Variants in GLCCI1 observed in about 807,000 individuals in gnomAD.
The protein encoded by GLCCI1 is glucocorticoid-induced transcript 1 protein.
A neutral mutation model predicts 52.2 loss-of-function variants in GLCCI1; 24 were observed. The ratio of observed to expected loss-of-function variants is 0.46; its 90% CI spans 0.33 to 0.65. GLCCI1 has a LOEUF of 0.65. Ranked by LOEUF, GLCCI1 falls within the 30% of genes least tolerant of loss-of-function variation. GLCCI1 has a pLI of 0.02. For synonymous variants in GLCCI1, 310 were observed against 276.5 expected (o/e 1.12, Z -1.20); for missense variants, 704 against 701.5 (o/e 1.00, Z -0.04).
intron 1 of GLCCI1, among the ~76,000 whole-genome samples, chr7:7,979,190 T>C (rs1411541826): frequency 6.6e-6 from 1 of 152,146 alleles, no homozygotes; most frequent in African/African-American, 2.4e-5. Flanking sequence ...AGCTACAGTA[T>C]TCTGCAATAT....
At chr7:7,992,758 C>A (rs1195078792) in intron 1 of GLCCI1, among the ~76,000 whole-genome samples, 1 of 151,896 alleles carries the variant, frequency 6.6e-6, no homozygotes, top group African/African-American at 2.4e-5. Context: ...GAAATCTTGT[C>A]TCCTCATTTT....
chr7:8,031,308 T>A (rs1277546091), intron 3 of GLCCI1, among the ~76,000 whole-genome samples: 1 of 152,090 alleles, frequency 6.6e-6, no homozygotes, highest in Non-Finnish European at 1.5e-5. Context: ...AGACAAACAT[T>A]GCATGTTCTC....
At chr7:8,045,123 G>T (rs1782092017) in intron 3 of GLCCI1, among the ~76,000 whole-genome samples, 1 of 152,146 alleles carries the variant, frequency 6.6e-6, no homozygotes, top group African/African-American at 2.4e-5. Context: ...TGAAACAACT[G>T]TGAGCTGGAG....
chr7:7,996,196 G>A (rs1289717116), intron 1 of GLCCI1, among the ~76,000 whole-genome samples: 1 of 151,998 alleles, frequency 6.6e-6, no homozygotes, highest in Non-Finnish European at 1.5e-5. Flanking sequence ...TGTTTTTGTA[G>A]TTGCTAATAC....
At position 8,086,722 on chromosome 7, in the gene GLCCI1, C is replaced by T. The variant is rs764928991; in HGVS notation, c.*184C>T. 3.3e-5 allele frequency: 19 copies of T among 582,680 alleles called. No individual in the cohort carries two copies. Among genetic ancestry groups the T allele is most frequent in the Non-Finnish European group, 5.7e-5 (19 of 334,782 alleles). 36.1% of individuals were successfully genotyped at this position (582,680 alleles called of 1,614,324 possible). A position where few individuals can be genotyped will look rare whatever the true frequency, so the allele number is the denominator to read the frequency against. On this transcript the variant is annotated 3_prime_UTR_variant, in exon 8 of 8. Transcript: ENST00000223145. This position sits in a 1 kb window ranked among gnomAD's most constrained non-coding sequence, Gnocchi z 4.4. ...CCTATTCAGCAGTTTTTGTGGAAAG[C>T]AGTAATGCTTGCAAAACGTGTGTGT...
chr7:8,019,122 TG>T (rs1413729998), intron 2 of GLCCI1, among the ~76,000 whole-genome samples: 2 of 152,234 alleles, frequency 1.3e-5, no homozygotes, highest in African/African-American at 2.4e-5. Flanking sequence ...GGTTTTGTTT[TG>T]GCTAAAATAA....
chr7:8,061,252 A>G (rs1782508143), intron 5 of GLCCI1, among the ~76,000 whole-genome samples: 1 of 151,808 alleles, frequency 6.6e-6, no homozygotes, highest in South Asian at 2.1e-4. Flanking sequence ...GGTGCCCGCC[A>G]CCACACCCGG....
At chr7:8,004,799 G>A (rs747744773) in intron 2 of GLCCI1, among the ~76,000 whole-genome samples, 23 of 152,208 alleles carry the variant, frequency 1.5e-4, no homozygotes, top group Non-Finnish European at 2.6e-4. Flanking sequence ...TAGATGAATG[G>A]AGTATGTAAA....
chr7:8,045,689 A>G (rs1782106405), intron 3 of GLCCI1, among the ~76,000 whole-genome samples: 1 of 152,158 alleles, frequency 6.6e-6, no homozygotes, highest in Admixed American at 6.5e-5. Flanking sequence ...GTAACCCTAT[A>G]ATATATGTAG....
At chr7:8,056,659 A>C (rs1017907461) in intron 4 of GLCCI1, among the ~76,000 whole-genome samples, 1 of 152,196 alleles carries the variant, frequency 6.6e-6, no homozygotes, top group African/African-American at 2.4e-5. Flanking sequence ...AAATATGTTA[A>C]TTTAGTTCAT....
intron 4 of GLCCI1, among the ~76,000 whole-genome samples, chr7:8,058,140 A>C (rs1006864003): frequency 6.6e-6 from 1 of 152,200 alleles, no homozygotes; most frequent in African/African-American, 2.4e-5. Context: ...AAACATACCC[A>C]AATTCAGTTT....
intron 4 of GLCCI1, among the ~76,000 whole-genome samples, chr7:8,058,858 C>G (rs892994075): frequency 1.3e-5 from 2 of 152,074 alleles, no homozygotes; most frequent in Non-Finnish European, 2.9e-5. Flanking sequence ...AGAAGCCTTG[C>G]CGATAACGTA....
At chr7:8,021,513 A>G (rs954689593) in intron 2 of GLCCI1, among the ~76,000 whole-genome samples, 4 of 151,880 alleles carry the variant, frequency 2.6e-5, no homozygotes, top group East Asian at 3.9e-4. Flanking sequence ...CCCGGGTTCA[A>G]GTGATTCTCC....
Position 8,015,267 on chromosome 7 carries a change from TA to T in GLCCI1, c.610-7210del, listed in dbSNP as rs1244286465. 1.3e-4 allele frequency among the ~76,000 whole-genome samples: 20 copies of T among 152,234 alleles called. 1 individual carries two copies. Among genetic ancestry groups the T allele is most frequent in the African/African-American group, 4.8e-4 (20 of 41,462 alleles). Reference sequence around the variant, plus strand: ...GATGCACCTCAAATACTTACTGATATAAAAAATAACTTTCAGTTTTATCACT... The same window carrying T: ...GATGCACCTCAAATACTTACTGATATAAAAATAACTTTCAGTTTTATCACT... On this transcript the variant is annotated intron_variant, in intron 2 of 7. Transcript: ENST00000223145.
At position 8,053,331 on chromosome 7, in the gene GLCCI1, G is replaced by GT. The variant is rs1448225288; in HGVS notation, c.697-2099dup. 9.7e-5 allele frequency among the ~76,000 whole-genome samples: 11 copies of GT among 113,462 alleles called. 1 individual carries two copies. Among genetic ancestry groups the GT allele is most frequent in the Admixed American group, 4.4e-4 (5 of 11,344 alleles). 74.4% of individuals were successfully genotyped at this position (113,462 alleles called of 152,430 possible). On this transcript the variant is annotated intron_variant, in intron 3 of 7. Transcript: ENST00000223145. ...TTTGTTTTCGTTTTTTTTTTTGTTT[G>GT]TTTGTTTGTTTTGAGACAGTCTCGC...
intron 3 of GLCCI1, among the ~76,000 whole-genome samples, chr7:8,038,658 G>A (rs943899877): frequency 9.2e-5 from 14 of 152,112 alleles, no homozygotes; most frequent in Non-Finnish European, 1.5e-4. Context: ...CATTTTGGAG[G>A]AAACCTAGGA....
intron 1 of GLCCI1, 80 bp from the exon 2 acceptor site, chr7:8,003,827 CA>C: frequency 4.8e-6 from 6 of 1,261,320 alleles, no homozygotes; most frequent in Non-Finnish European, 6.6e-6. Flanking sequence ...GACAGGATGA[CA>C]TTCTACAAAC....
At chr7:7,995,988 C>T (rs1462658591) in intron 1 of GLCCI1, among the ~76,000 whole-genome samples, 1 of 151,828 alleles carries the variant, frequency 6.6e-6, no homozygotes, top group East Asian at 1.9e-4. Flanking sequence ...TTGTTGTGCT[C>T]TTGTTAAAAA....
intron 2 of GLCCI1, among the ~76,000 whole-genome samples, chr7:8,017,977 A>C (rs1483426816): frequency 6.6e-6 from 1 of 152,178 alleles, no homozygotes; most frequent in Non-Finnish European, 1.5e-5. Flanking sequence ...ATTTTTGTAA[A>C]CAAAAACAAA....
Sources: gnomAD v4.1 joint callset for allele counts (sites outside exome capture counted in the v4.1 genomes callset) on GRCh38, gnomAD v4.1.1 for gene constraint, Gnocchi (gnomAD v3.1) non-coding constraint, MANE v1.5 for transcripts, NCBI Gene and HGNC (gene_info 2026-07-23, HGNC 2026-07-21) for gene names.